Variants in PSME4 observed in about 807,000 individuals in gnomAD.
PSME4 encodes the protein proteasome activator complex subunit 4.
In PSME4, 89 loss-of-function variants were observed where a neutral mutation model predicts 253.9. The ratio of observed to expected loss-of-function variants is 0.35; its 90% CI spans 0.30 to 0.42. PSME4 has a LOEUF of 0.42. PSME4 is among the 10% of genes least tolerant of loss of function. The probability of loss-of-function intolerance (pLI) is 1.00; values close to 1 mark genes in which losing one functional copy is unlikely to be tolerated. For synonymous variants in PSME4, 851 were observed against 759.2 expected (o/e 1.12, Z -1.99); for missense variants, 2,014 against 2,195.2 (o/e 0.92, Z 1.65).
At chr2:53,886,663 C>G (rs555991387) in intron 40 of PSME4, among the ~76,000 whole-genome samples, 7 of 152,284 alleles carry the variant, frequency 4.6e-5, no homozygotes, top group Non-Finnish European at 8.8e-5. Context: ...AACTTAAGCA[C>G]AGAAATACTA....
intron 32 of PSME4, among the ~76,000 whole-genome samples, chr2:53,895,957 A>C (rs1268529000): frequency 6.6e-6 from 1 of 152,170 alleles, no homozygotes; most frequent in African/African-American, 2.4e-5. Context: ...TGGGGGAGAG[A>C]TCAAGTATGA....
intron 1 of PSME4, among the ~76,000 whole-genome samples, chr2:53,957,646 C>A (rs1478015765): frequency 6.6e-6 from 1 of 152,126 alleles, no homozygotes. Context: ...AGTACGTGGC[C>A]TGGGAGATGG....
At chr2:53,948,591 G>T in intron 2 of PSME4, 54 bp from the exon 3 acceptor site, 3 of 1,086,586 alleles carry the variant, frequency 2.8e-6, no homozygotes, top group Non-Finnish European at 4.2e-6. Flanking sequence ...ACAGATGTGT[G>T]TATACCACAA....
chr2:53,956,482 A>G lies in PSME4; in HGVS notation c.243-7199T>C, dbSNP rs201249753. On this transcript the variant is annotated intron_variant, in intron 1 of 46. Coordinates refer to ENST00000404125, the MANE Select transcript of PSME4 (RefSeq NM_014614.3). Reference sequence around the variant, plus strand: ...GAGGCGGAGGTTGTAGTGAGCCGAGATCACGCCACTGCACTCCAGCCTGGG... The same window carrying G: ...GAGGCGGAGGTTGTAGTGAGCCGAGGTCACGCCACTGCACTCCAGCCTGGG... 1.4e-4 allele frequency among the ~76,000 whole-genome samples: 22 copies of G among 152,094 alleles called. No individual in the cohort carries two copies. In the East Asian group the frequency reaches 4.3e-3, roughly 30 times the overall value.
chr2:53,912,166 T>C (rs1667856070), intron 20 of PSME4, among the ~76,000 whole-genome samples: 1 of 152,210 alleles, frequency 6.6e-6, no homozygotes, highest in South Asian at 2.1e-4. Flanking sequence ...AGATTTTTTT[T>C]TCAACTAAAT....
At chr2:53,874,283 C>G in intron 43 of PSME4, 56 bp downstream of exon 43, 1 of 1,522,448 alleles carries the variant, frequency 6.6e-7, no homozygotes, top group Non-Finnish European at 9.0e-7. Flanking sequence ...AAAAAGGGAA[C>G]CATGATGGTT....
chr2:53,904,275 T>C (rs1680544639), intron 26 of PSME4, 119 bp from the exon 27 acceptor site: 1 of 1,089,894 alleles, frequency 9.2e-7, no homozygotes, highest in Non-Finnish European at 1.3e-6. Flanking sequence ...ACAAAATAAA[T>C]TTCAAAGCAC....
intron 20 of PSME4, among the ~76,000 whole-genome samples, chr2:53,914,738 G>A (rs777280083): frequency 7.2e-5 from 11 of 151,976 alleles, no homozygotes; most frequent in East Asian, 1.9e-4. Context: ...AAAATTAGCC[G>A]GGCATGGTGG....
chr2:53,929,462 T>C (rs1668721473), intron 10 of PSME4, among the ~76,000 whole-genome samples: 1 of 152,048 alleles, frequency 6.6e-6, no homozygotes, highest in Non-Finnish European at 1.5e-5. Context: ...CCGGCTAACT[T>C]TTGTATTTTT....
intron 1 of PSME4, among the ~76,000 whole-genome samples, chr2:53,955,023 T>A (rs770223182): frequency 3.8e-4 from 58 of 151,324 alleles, no homozygotes; most frequent in Admixed American, 7.9e-4. Flanking sequence ...ATAAAAAAAA[T>A]CGCCAGGTGT....
In PSME4 at chr2:53,906,984, G is replaced by T. The variant is rs1226031320; in HGVS notation, c.2785-116C>A. The T allele has an allele frequency of 6.1e-6, 5 of 824,936 alleles. No homozygotes were observed. The East Asian group carries it at 1.0e-4, about 17-fold the overall frequency. 51.1% of individuals were successfully genotyped at this position (824,936 alleles called of 1,614,324 possible). ...AAGGTCCCTGGTTGACTGGTGAGTG[G>T]TGGTGGTATTTCCTTTATTCTAAAG... On this transcript the variant is annotated intron_variant, in intron 24 of 46. Coordinates refer to ENST00000404125, the MANE Select transcript of PSME4 (RefSeq NM_014614.3).
At chr2:53,940,995 A>ATC (rs1669427338) in intron 3 of PSME4, among the ~76,000 whole-genome samples, 2 of 107,020 alleles carry the variant, frequency 1.9e-5, no homozygotes, top group African/African-American at 3.2e-5. Context: ...ATATATATAT[A>ATC]TATATGAAAG....
chr2:53,897,080 G>C (rs1039170729), intron 31 of PSME4, among the ~76,000 whole-genome samples, 195 bp from the exon 32 acceptor site: 1 of 151,552 alleles, frequency 6.6e-6, no homozygotes, highest in African/African-American at 2.4e-5. Flanking sequence ...CTACAGTCTT[G>C]ACACATGCTA....
rs151107481 is a variant in PSME4 at position 53,932,477 on chromosome 2, T to A, written c.1050+191A>T. ...AAAAATGAGCCATGTTGTCAACAGT[T>A]ACCACATCAATATTATTTATTTAAT... On this transcript the variant is annotated intron_variant, in intron 9 of 46. Transcript: ENST00000404125. 1.1e-4 allele frequency among the ~76,000 whole-genome samples: 17 copies of A among 152,344 alleles called. No homozygotes were observed. In the East Asian group the frequency reaches 3.1e-3, roughly 28 times the overall value.
intron 12 of PSME4, among the ~76,000 whole-genome samples, chr2:53,926,766 A>T (rs1472825824): frequency 6.6e-6 from 1 of 152,032 alleles, no homozygotes; most frequent in Non-Finnish European, 1.5e-5. Flanking sequence ...TGAGGCCAGG[A>T]GTTCGAGACC....
At chr2:53,882,227 ATATG>A (rs1679420253) in intron 41 of PSME4, among the ~76,000 whole-genome samples, 2 of 152,202 alleles carry the variant, frequency 1.3e-5, no homozygotes, top group South Asian at 2.1e-4. Flanking sequence ...AGTGCAAAAG[ATATG>A]TATAAGATGT....
At chr2:53,960,695 GAC>G (rs1164315225) in intron 1 of PSME4, among the ~76,000 whole-genome samples, 1 of 152,194 alleles carries the variant, frequency 6.6e-6, no homozygotes, top group African/African-American at 2.4e-5. Flanking sequence ...AGGCTATGGT[GAC>G]AGACTGATAA....
At chr2:53,892,332 C>T (rs550228248) in intron 36 of PSME4, among the ~76,000 whole-genome samples, 2 of 152,198 alleles carry the variant, frequency 1.3e-5, no homozygotes, top group East Asian at 3.9e-4. Flanking sequence ...AAAACTATAT[C>T]TTACAATTAA....
chr2:53,904,341 A>G (rs1680550028), intron 26 of PSME4, among the ~76,000 whole-genome samples, 185 bp from the exon 27 acceptor site: 1 of 152,214 alleles, frequency 6.6e-6, no homozygotes. Context: ...GGAAAGCACA[A>G]TACCACCGAC....
Sources: allele counts gnomAD v4.1 joint callset (sites outside exome capture counted in the v4.1 genomes callset), GRCh38; gene constraint gnomAD v4.1.1; transcripts MANE v1.5; gene names NCBI Gene and HGNC (gene_info 2026-07-23, HGNC 2026-07-21).